CFAP77: variants seen among roughly 807,000 people sequenced by gnomAD.
CFAP77 encodes cilia and flagella associated protein 77, also known as cilia- and flagella-associated protein 77.
In CFAP77, 25 loss-of-function variants were observed where a neutral mutation model predicts 31.1. The observed-to-expected ratio is 0.80, with a 90% confidence interval of 0.59 to 1.12. CFAP77 has a LOEUF of 1.12. Ranked by LOEUF, CFAP77 falls within the 50% of genes most tolerant of loss-of-function variation. CFAP77 has a pLI of 0.00. For missense variants in CFAP77, 377 were observed against 397.3 expected, an observed-to-expected ratio of 0.95 and a Z score of 0.44; for synonymous variants, 151 against 159.9, an observed-to-expected ratio of 0.94 and a Z score of 0.42.
chr9:132,458,665 G>A (rs570477574), intron 1 of CFAP77, among the ~76,000 whole-genome samples: 17 of 55,948 alleles, frequency 3.0e-4, no homozygotes, highest in African/African-American at 1.3e-3. Flanking sequence ...ACTACAAGCC[G>A]CATGGCTAGT....
At chr9:132,508,174 G>A (rs1014758661) in intron 3 of CFAP77, among the ~76,000 whole-genome samples, 2 of 152,186 alleles carry the variant, frequency 1.3e-5, no homozygotes, top group African/African-American at 2.4e-5. Flanking sequence ...TAAAGCCAGA[G>A]ATGACACTTC....
rs747889897 is a variant in CFAP77 at position 132,565,084 on chromosome 9, A to C, written c.733-7304A>C. On this transcript the variant is annotated intron_variant, in intron 5 of 5. Transcript: ENST00000393216. This position sits in a 1 kb window ranked among gnomAD's most constrained non-coding sequence, Gnocchi z 4.1. ...TGATCCAGTAGCAGGGAGGAAAAGG[A>C]TGTTATCCCAGGAGGGAACTATGAT... Among the ~76,000 whole-genome samples, 7 of 151,788 alleles carry C rather than the reference A, an allele frequency of 4.6e-5. No homozygotes were observed. Among genetic ancestry groups the C allele is most frequent in the Non-Finnish European group, 1.0e-4 (7 of 67,968 alleles).
chr9:132,468,732 G>T (rs1320893627), intron 1 of CFAP77, among the ~76,000 whole-genome samples: 2 of 152,038 alleles, frequency 1.3e-5, no homozygotes, highest in Non-Finnish European at 2.9e-5. Context: ...TATATCCCAG[G>T]ACCTTTCACA....
intron 1 of CFAP77, among the ~76,000 whole-genome samples, chr9:132,489,057 G>A (rs59958768): frequency 0.065 from 9,842 of 152,196 alleles, 404 homozygotes; most frequent in African/African-American, 0.11. Flanking sequence ...GGTCAGACTC[G>A]GAGCTGGGAT....
chr9:132,473,964 T>G (rs1486615320), intron 1 of CFAP77, among the ~76,000 whole-genome samples: 2 of 152,210 alleles, frequency 1.3e-5, no homozygotes, highest in Non-Finnish European at 2.9e-5. Context: ...GTTACAGGCG[T>G]GAGCCACCGC....
chr9:132,468,625 G>C (rs1219379176), intron 1 of CFAP77, among the ~76,000 whole-genome samples: 2 of 152,154 alleles, frequency 1.3e-5, no homozygotes, highest in Non-Finnish European at 2.9e-5. Context: ...TCTAACAATT[G>C]TCACAGGGGT....
At chr9:132,433,578 C>T (rs912654128) in intron 1 of CFAP77, among the ~76,000 whole-genome samples, 3 of 150,734 alleles carry the variant, frequency 2.0e-5, no homozygotes, top group Non-Finnish European at 2.9e-5. Context: ...GTCAGAGTCT[C>T]ACTCTGTCAC....
chr9:132,534,430 G>A (rs535564611), intron 3 of CFAP77, among the ~76,000 whole-genome samples: 1 of 152,088 alleles, frequency 6.6e-6, no homozygotes, highest in African/African-American at 2.4e-5. Context: ...GGCTAACATG[G>A]TGAAACCCCA....
At chr9:132,484,797 C>T (rs1178489446) in intron 1 of CFAP77, among the ~76,000 whole-genome samples, 1 of 151,312 alleles carries the variant, frequency 6.6e-6, no homozygotes, top group Non-Finnish European at 1.5e-5. Context: ...TTTGGTATAT[C>T]ACTACAAGTG....
chr9:132,426,763 T>C (rs1178702654), intron 1 of CFAP77, among the ~76,000 whole-genome samples: 1 of 152,192 alleles, frequency 6.6e-6, no homozygotes, highest in Admixed American at 6.5e-5. Context: ...CCGAATTCAT[T>C]TGGGGCAGTG....
In CFAP77 at chr9:132,476,923, AT is replaced by A. The variant is rs556145621; in HGVS notation, c.196-21769del. On this transcript the variant is annotated intron_variant, in intron 1 of 5. Transcript: ENST00000393216. ...GCCTTCAGCCACCAAGGTGGTGGCG[AT>A]TTGCTGCAGCAGCCACAAGAAACGG... 4.5e-3 allele frequency among the ~76,000 whole-genome samples: 686 copies of A among 152,236 alleles called. 11 individuals are homozygous for A. The highest frequency in any genetic ancestry group is 2.3e-3 in the East Asian group (12 of 5,174).
At position 132,453,009 on chromosome 9, in the gene CFAP77, G is replaced by C. The variant is rs558452675; in HGVS notation, c.195+42543G>C. On this transcript the variant is annotated intron_variant, in intron 1 of 5. Coordinates refer to ENST00000393216, the MANE Select transcript of CFAP77 (RefSeq NM_001282957.2). ...GTATTTCTTGGCTAAGCAGAGAAAA[G>C]CATTAGACTCATGGTGTGTGCTCAG... 2.6e-5 allele frequency among the ~76,000 whole-genome samples: 4 copies of C among 152,192 alleles called. No homozygotes were observed. In the South Asian group the frequency reaches 6.2e-4, roughly 24 times the overall value.
intron 1 of CFAP77, among the ~76,000 whole-genome samples, chr9:132,459,712 G>A (rs1242171472): frequency 6.6e-6 from 1 of 151,198 alleles, no homozygotes; most frequent in East Asian, 1.9e-4. Flanking sequence ...GTGTATGTGT[G>A]TTTACCTGTA....
intron 3 of CFAP77, among the ~76,000 whole-genome samples, chr9:132,520,322 T>C (rs1171199565): frequency 6.6e-6 from 1 of 152,126 alleles, no homozygotes; most frequent in African/African-American, 2.4e-5. Flanking sequence ...TTTTGACAAA[T>C]TTATACACCT....
In CFAP77 at chr9:132,412,012, A is replaced by G. The variant is rs1234029170; in HGVS notation, c.195+1546A>G. On this transcript the variant is annotated intron_variant, in intron 1 of 5. Transcript: ENST00000393216. Reference sequence around the variant, plus strand: ...GTGTAAAATGTATGTACATATATGTAAATTTCCCCCTTCTTTTCCTTTTTC... The same window carrying G: ...GTGTAAAATGTATGTACATATATGTGAATTTCCCCCTTCTTTTCCTTTTTC... 3.3e-5 allele frequency among the ~76,000 whole-genome samples: 5 copies of G among 152,342 alleles called. No homozygotes were observed. The East Asian group carries it at 9.6e-4, about 29-fold the overall frequency.
chr9:132,430,231 T>A (rs1016945592), intron 1 of CFAP77, among the ~76,000 whole-genome samples: 3 of 152,166 alleles, frequency 2.0e-5, no homozygotes, highest in Admixed American at 1.3e-4. Flanking sequence ...TTCTATACTA[T>A]TTTGGATTTT....
intron 3 of CFAP77, among the ~76,000 whole-genome samples, chr9:132,505,581 C>G (rs1851918516): frequency 6.6e-6 from 1 of 150,686 alleles, no homozygotes; most frequent in South Asian, 2.1e-4. Context: ...TTGGCTGGTA[C>G]AGTAATTAAA....
chr9:132,558,463 G>T (rs1852938061), intron 5 of CFAP77, among the ~76,000 whole-genome samples: 1 of 152,164 alleles, frequency 6.6e-6, no homozygotes, highest in Admixed American at 6.5e-5. Flanking sequence ...CCAGCACTTT[G>T]GGAGGCAGAG....
At chr9:132,429,113 AT>A (rs150728047) in intron 1 of CFAP77, among the ~76,000 whole-genome samples, 6,874 of 151,898 alleles carry the variant, frequency 0.045, 545 homozygotes, top group African/African-American at 0.16. Context: ...CATTTCCTAA[AT>A]ATTTGCCTGT....
Sources: gnomAD v4.1 joint callset for allele counts (sites outside exome capture counted in the v4.1 genomes callset) on GRCh38, gnomAD v4.1.1 for gene constraint, Gnocchi (gnomAD v3.1) non-coding constraint, MANE v1.5 for transcripts, NCBI Gene and HGNC (gene_info 2026-07-23, HGNC 2026-07-21) for gene names.